PDE4D: variants seen among roughly 807,000 people sequenced by gnomAD.
The protein encoded by PDE4D is 3',5'-cyclic-AMP phosphodiesterase 4D.
A neutral mutation model predicts 87.4 loss-of-function variants in PDE4D; 24 were observed. That is an observed-to-expected ratio of 0.27 (90% CI 0.20 to 0.39). The LOEUF is 0.39. Among genes scored for constraint, PDE4D ranks in the 10% least tolerant of loss-of-function variants. The probability of loss-of-function intolerance (pLI) is 1.00; values close to 1 mark genes in which losing one functional copy is unlikely to be tolerated. For synonymous variants in PDE4D, 384 were observed against 383.2 expected (o/e 1.00, Z -0.02); for missense variants, 714 against 1,041.0 (o/e 0.69, Z 4.32).
chr5:59,284,532 G>C (rs1253990852), intron 1 of PDE4D, among the ~76,000 whole-genome samples: 1 of 151,470 alleles, frequency 6.6e-6, no homozygotes, highest in African/African-American at 2.4e-5. Context: ...ACACCAGTTA[G>C]AATGGCAATC....
intron 2 of PDE4D, among the ~76,000 whole-genome samples, chr5:60,152,538 A>G (rs1325332959): frequency 6.6e-6 from 1 of 151,884 alleles, no homozygotes; most frequent in African/African-American, 2.4e-5. Flanking sequence ...CTGTAGTCCC[A>G]GCTACTCTGG....
In PDE4D at chr5:59,528,189, G is replaced by A. The variant is rs1484709056; in HGVS notation, c.456-312221C>T. Among the ~76,000 whole-genome samples the A allele has an allele frequency of 5.9e-5, 9 of 152,312 alleles. No homozygotes were observed. In the East Asian group the frequency reaches 1.2e-3, roughly 20 times the overall value. ...GTGCCAGGAAACAAATCTATACTGA[G>A]TACAATCAGAAACAGAGATCCTATC... is the stretch of plus-strand genomic sequence containing the variant. On this transcript the variant is annotated intron_variant, in intron 1 of 14. Coordinates refer to ENST00000340635, the MANE Select transcript of PDE4D (RefSeq NM_001104631.2).
rs139490278 is a variant in PDE4D at position 59,103,051 on chromosome 5, C to T, written c.809-64080G>A. ...GAAGTTTGTTTCTCAAGGGGCTGAACTACAAGGACAGAATGAACTGATCTG... is the reference window on the plus strand; with the variant it reads ...GAAGTTTGTTTCTCAAGGGGCTGAATTACAAGGACAGAATGAACTGATCTG... On this transcript the variant is annotated intron_variant, in intron 5 of 14. Coordinates refer to ENST00000340635, the MANE Select transcript of PDE4D (RefSeq NM_001104631.2). 7.2e-5 allele frequency among the ~76,000 whole-genome samples: 11 copies of T among 152,274 alleles called. No individual in the cohort carries two copies. In the East Asian group the frequency reaches 2.1e-3, roughly 29 times the overall value.
intron 1 of PDE4D, among the ~76,000 whole-genome samples, chr5:59,754,796 C>T (rs891338069): frequency 1.1e-4 from 9 of 83,846 alleles, no homozygotes; most frequent in African/African-American, 3.9e-4. Context: ...TTCCACAGAA[C>T]ATTTTTTTTT....
intron 1 of PDE4D, among the ~76,000 whole-genome samples, chr5:60,324,766 T>C (rs1756623631): frequency 6.6e-6 from 1 of 152,264 alleles, no homozygotes; most frequent in African/African-American, 2.4e-5. Flanking sequence ...CTTAAGTCTG[T>C]ATAAAATGGA....
At chr5:59,538,867 T>C (rs987421564) in intron 1 of PDE4D, among the ~76,000 whole-genome samples, 4 of 152,190 alleles carry the variant, frequency 2.6e-5, no homozygotes, top group African/African-American at 9.6e-5. Context: ...CATTCAGTAA[T>C]GTGGTAATGT....
chr5:59,269,104 A>G (rs980296212), intron 1 of PDE4D, among the ~76,000 whole-genome samples: 7 of 145,112 alleles, frequency 4.8e-5, no homozygotes, highest in Non-Finnish European at 7.4e-5. Flanking sequence ...CGTGGGGAAG[A>G]AAAAAAAAAG....
Position 60,050,312 on chromosome 5 carries a change from A to T in PDE4D, c.43-61595T>A, listed in dbSNP as rs557937563. On this transcript the variant is annotated intron_variant, in intron 2 of 16. Coordinates refer to the PDE4D transcript ENST00000502484. ...CCAGTACCTCAGATGGAAATGCAGA[A>T]ATCACCCGTCTTCTGTGACGCTCTC... is the stretch of plus-strand genomic sequence containing the variant. Among the ~76,000 whole-genome samples, 3 of 152,230 alleles carry T rather than the reference A, an allele frequency of 2.0e-5. No individual in the cohort carries two copies. The South Asian group carries it at 6.2e-4, about 32-fold the overall frequency.
At chr5:59,937,642 C>G (rs1000072540) in intron 3 of PDE4D, among the ~76,000 whole-genome samples, 6 of 152,172 alleles carry the variant, frequency 3.9e-5, no homozygotes, top group Non-Finnish European at 5.9e-5. Context: ...GGCCACTAAT[C>G]CTATTGAATT....
At chr5:59,940,540 T>G (rs1025294037) in intron 3 of PDE4D, among the ~76,000 whole-genome samples, 3 of 152,118 alleles carry the variant, frequency 2.0e-5, no homozygotes, top group African/African-American at 7.2e-5. Context: ...CTGTTAGAGA[T>G]TTATCTCAGA....
chr5:60,004,887 A>C (rs755583693), intron 2 of PDE4D, among the ~76,000 whole-genome samples: 1 of 152,206 alleles, frequency 6.6e-6, no homozygotes, highest in Non-Finnish European at 1.5e-5. Flanking sequence ...TATGGAAAAC[A>C]GTATGAAGAT....
At chr5:60,375,622 C>G (rs1227952301) in intron 1 of PDE4D, among the ~76,000 whole-genome samples, 2 of 152,174 alleles carry the variant, frequency 1.3e-5, no homozygotes, top group African/African-American at 4.8e-5. Flanking sequence ...CAAAAGGAGT[C>G]TCTTCCCTAG....
chr5:60,329,365 AAAG>A, intron 1 of PDE4D, among the ~76,000 whole-genome samples: 1 of 152,246 alleles, frequency 6.6e-6, no homozygotes, highest in South Asian at 2.1e-4. Flanking sequence ...GCCACCATGT[AAAG>A]AAGGACATGT....
At position 58,973,791 on chromosome 5, in the gene PDE4D, A is replaced by AGACTT. The variant is rs1300227445; in HGVS notation, c.*868_*872dup. ...AAACAAAATGCAAAGTAAATAATAA[A>AGACTT]GACTTACAAAAAGGGTTTCCTGCAA... On this transcript the variant is annotated 3_prime_UTR_variant, in exon 15 of 15. Transcript: ENST00000340635. 7 of 152,608 alleles carry AGACTT rather than the reference A, an allele frequency of 4.6e-5. No homozygotes were observed. Among genetic ancestry groups the AGACTT allele is most frequent in the African/African-American group, 1.7e-4 (7 of 41,540 alleles). 9.5% of individuals were successfully genotyped at this position (152,608 alleles called of 1,614,324 possible). A position where few individuals can be genotyped will look rare whatever the true frequency, so the allele number is the denominator to read the frequency against.
At chr5:60,138,593 A>G (rs1780248401) in intron 2 of PDE4D, among the ~76,000 whole-genome samples, 1 of 151,890 alleles carries the variant, frequency 6.6e-6, no homozygotes, top group Non-Finnish European at 1.5e-5. Context: ...AAACATACAT[A>G]GAAGTTTAAA....
intron 2 of PDE4D, among the ~76,000 whole-genome samples, chr5:60,114,941 C>CATGGATGGATGG (rs72415755): frequency 0.019 from 1,694 of 89,184 alleles, 19 homozygotes; most frequent in African/African-American, 0.029. Flanking sequence ...TAGATAGATA[C>CATGGATGGATGG]ATGGATGGAT....
At chr5:59,042,305 C>T (rs943594278) in intron 5 of PDE4D, among the ~76,000 whole-genome samples, 61 of 152,254 alleles carry the variant, frequency 4.0e-4, no homozygotes, top group African/African-American at 1.3e-3. Flanking sequence ...TGTTCTAAGA[C>T]ATCAAGTAAC....
chr5:60,289,952 G>A (rs954571585), intron 1 of PDE4D, among the ~76,000 whole-genome samples: 1 of 152,092 alleles, frequency 6.6e-6, no homozygotes, highest in Admixed American at 6.5e-5. Context: ...AATTGGGTAG[G>A]TTAATGTAAA....
chr5:60,007,647 T>C (rs74744975), intron 2 of PDE4D, among the ~76,000 whole-genome samples: 2,053 of 152,140 alleles, frequency 0.013, 55 homozygotes, highest in African/African-American at 0.047. Context: ...CACTGTCTGA[T>C]AGGCTTTCAG....
Sources: gnomAD v4.1 joint callset for allele counts (sites outside exome capture counted in the v4.1 genomes callset) on GRCh38, gnomAD v4.1.1 for gene constraint, MANE v1.5 for transcripts, NCBI Gene and HGNC (gene_info 2026-07-23, HGNC 2026-07-21) for gene names.